TTC6: variants seen among roughly 807,000 people sequenced by gnomAD.
The protein encoded by TTC6 is tetratricopeptide repeat protein 6.
A neutral mutation model predicts 210.4 loss-of-function variants in TTC6; 172 were observed. That is an observed-to-expected ratio of 0.82 (90% confidence interval 0.72 to 0.93). TTC6 has a LOEUF of 0.93. Among genes scored for constraint, TTC6 ranks in the 40% least tolerant of loss-of-function variants. The probability of loss-of-function intolerance (pLI) is 0.00; values close to 1 mark genes in which losing one functional copy is unlikely to be tolerated. For missense variants in TTC6, 2,414 were observed against 2,318.1 expected, an observed-to-expected ratio of 1.04 and a Z score of -0.85; for synonymous variants, 804 against 819.6, an observed-to-expected ratio of 0.98 and a Z score of 0.32.
chr14:37,764,966 A>T (rs1054756952), intron 14 of TTC6, among the ~76,000 whole-genome samples: 77 of 146,430 alleles, frequency 5.3e-4, no homozygotes, highest in East Asian at 3.6e-3. Flanking sequence ...TACCATTTTG[A>T]TTTCCTTCTC....
At chr14:37,726,769 T>A (rs1166213316) in intron 7 of TTC6, among the ~76,000 whole-genome samples, 1 of 152,112 alleles carries the variant, frequency 6.6e-6, no homozygotes, top group Non-Finnish European at 1.5e-5. Context: ...TTCTAATTCT[T>A]AGCTTATTCA....
At chr14:37,704,846 T>A (rs2095832293) in intron 5 of TTC6, among the ~76,000 whole-genome samples, 1 of 152,118 alleles carries the variant, frequency 6.6e-6, no homozygotes, top group African/African-American at 2.4e-5. Context: ...TTGGAAAAAA[T>A]TAAATATTTA....
At position 37,598,255 on chromosome 14, in the gene TTC6, C is replaced by T. The variant is rs911630378; in HGVS notation, c.-235+2247C>T. Reference sequence around the variant, plus strand: ...GATGGGTGGACTCGGGGCAGGGTACCCGCGAGGGCAGGCACGTGGCGGCTC... The same window carrying T: ...GATGGGTGGACTCGGGGCAGGGTACTCGCGAGGGCAGGCACGTGGCGGCTC... On this transcript the variant is annotated intron_variant, in intron 1 of 2. Transcript: ENST00000556845. The surrounding 1 kb of genome is among the most constrained non-coding windows in gnomAD (Gnocchi z 4.9). 6.6e-6 allele frequency among the ~76,000 whole-genome samples: 1 copy of T among 152,182 alleles called. No individual in the cohort carries two copies. Among genetic ancestry groups the T allele is most frequent in the Non-Finnish European group, 1.5e-5 (1 of 68,038 alleles).
At chr14:37,679,006 A>C (rs769338521) in intron 1 of TTC6, among the ~76,000 whole-genome samples, 6 of 152,084 alleles carry the variant, frequency 3.9e-5, no homozygotes, top group Non-Finnish European at 8.8e-5. Flanking sequence ...GGATTCCTTA[A>C]GGCCACAAGC....
chr14:37,685,370 C>T (rs2095791692), intron 3 of TTC6, among the ~76,000 whole-genome samples: 2 of 151,954 alleles, frequency 1.3e-5, no homozygotes. Flanking sequence ...TGAAATTGTA[C>T]CAAGAAAGCC....
At chr14:37,615,478 T>C (rs2095641235) in intron 2 of TTC6, among the ~76,000 whole-genome samples, 1 of 152,140 alleles carries the variant, frequency 6.6e-6, no homozygotes, top group Admixed American at 6.5e-5. Context: ...GCTTTCTTTT[T>C]TGTCTTTTCT....
At chr14:37,814,176 G>A (rs2096136207) in intron 25 of TTC6, among the ~76,000 whole-genome samples, 1 of 152,152 alleles carries the variant, frequency 6.6e-6, no homozygotes, top group South Asian at 2.1e-4. Context: ...TGATATGACT[G>A]CTGCTCACCT....
At chr14:37,783,823 A>AT (rs1160620714) in intron 14 of TTC6, among the ~76,000 whole-genome samples, 1 of 151,978 alleles carries the variant, frequency 6.6e-6, no homozygotes, top group East Asian at 1.9e-4. Flanking sequence ...AGATTCTGGG[A>AT]TTTTGTGTCT....
At chr14:37,664,551 A>C (rs2095743999) in intron 1 of TTC6, among the ~76,000 whole-genome samples, 1 of 150,784 alleles carries the variant, frequency 6.6e-6, no homozygotes, top group African/African-American at 2.4e-5. Flanking sequence ...CAAAGACCCT[A>C]GAAGAAAATC....
At chr14:37,601,677 G>A (rs760192097) in intron 1 of TTC6, among the ~76,000 whole-genome samples, 1 of 152,194 alleles carries the variant, frequency 6.6e-6, no homozygotes, top group African/African-American at 2.4e-5. Context: ...AACCCATTGG[G>A]TCTGGCTCTT....
Position 37,792,423 on chromosome 14 carries a change from G to T in TTC6, c.3708+9G>T. ...CGGAAACCTATTTTAAGGTATTTAAGGCTCGAGAACCTTGATTTTTTTAAA... is the reference window on the plus strand; with the variant it reads ...CGGAAACCTATTTTAAGGTATTTAATGCTCGAGAACCTTGATTTTTTTAAA... On this transcript the variant is annotated intron_variant, in intron 17 of 30. Transcript: ENST00000553443. The T allele has an allele frequency of 1.4e-6, 2 of 1,474,418 alleles. No individual in the cohort carries two copies. Among genetic ancestry groups the T allele is most frequent in the Non-Finnish European group, 1.8e-6 (2 of 1,121,530 alleles). The allele number at this position is 1,474,418 out of a possible 1,614,324, so 91.3% of individuals were successfully genotyped here.
intron 1 of TTC6, among the ~76,000 whole-genome samples, chr14:37,654,308 C>T (rs1419491917): frequency 2.0e-5 from 3 of 152,100 alleles, no homozygotes; most frequent in African/African-American, 4.8e-5. Flanking sequence ...GGGATGGATA[C>T]CCCATTTTCC....
intron 1 of TTC6, among the ~76,000 whole-genome samples, chr14:37,637,988 A>G (rs1480869857): frequency 2.0e-5 from 3 of 152,236 alleles, no homozygotes; most frequent in Non-Finnish European, 4.4e-5. Flanking sequence ...CTGGGCATTT[A>G]TTGCTCAGAA....
intron 3 of TTC6, among the ~76,000 whole-genome samples, chr14:37,695,493 T>C (rs2095813064): frequency 6.6e-6 from 1 of 152,094 alleles, no homozygotes; most frequent in Admixed American, 6.6e-5. Flanking sequence ...TAGCTGGGAT[T>C]ACAGGCATGC....
intron 1 of TTC6, among the ~76,000 whole-genome samples, chr14:37,656,181 G>C (rs1052656464): frequency 2.6e-5 from 4 of 152,168 alleles, no homozygotes; most frequent in African/African-American, 9.7e-5. Flanking sequence ...AGGTGTAGCA[G>C]TGAAGAAGGA....
At chr14:37,788,329 A>C (rs2096072461) in intron 15 of TTC6, among the ~76,000 whole-genome samples, 1 of 152,124 alleles carries the variant, frequency 6.6e-6, no homozygotes, top group Non-Finnish European at 1.5e-5. Flanking sequence ...CTAACACTCC[A>C]GATATGCCTG....
At chr14:37,683,429 A>G (rs1308824604) in intron 3 of TTC6, among the ~76,000 whole-genome samples, 1 of 152,100 alleles carries the variant, frequency 6.6e-6, no homozygotes, top group Admixed American at 6.6e-5. Flanking sequence ...TCATATTTGC[A>G]TATCACCCTG....
chr14:37,760,966 C>T (rs2095982604), intron 14 of TTC6, among the ~76,000 whole-genome samples: 2 of 152,146 alleles, frequency 1.3e-5, no homozygotes, highest in Admixed American at 6.5e-5. Context: ...GGGAGTGGGA[C>T]CCACTGAGTG....
chr14:37,654,035 G>C lies in TTC6; in HGVS notation c.940-26116G>C, dbSNP rs148797809. 2.0e-3 allele frequency among the ~76,000 whole-genome samples: 298 copies of C among 152,204 alleles called. 1 individual carries two copies. The highest frequency in any genetic ancestry group is 6.6e-3 in the African/African-American group (274 of 41,540). On this transcript the variant is annotated intron_variant, in intron 1 of 30. Coordinates refer to ENST00000553443, the Ensembl canonical transcript of TTC6. ...TTATTTAAAGCAGTGTCTTCTTATAGTTAAAGCTTGTCTAAGAAAATTGTT... is the reference window on the plus strand; with the variant it reads ...TTATTTAAAGCAGTGTCTTCTTATACTTAAAGCTTGTCTAAGAAAATTGTT...
Sources: allele counts gnomAD v4.1 joint callset (sites outside exome capture counted in the v4.1 genomes callset), GRCh38; gene constraint gnomAD v4.1.1; non-coding constraint Gnocchi (gnomAD v3.1); transcripts MANE v1.5; gene names NCBI Gene and HGNC (gene_info 2026-07-23, HGNC 2026-07-21).